Variants in DYNLT3 observed in about 807,000 individuals in gnomAD.
The protein encoded by DYNLT3 is protein 91/23.
DYNLT3 carries 4 observed loss-of-function variants against 11.0 expected under a neutral mutation model. That is an observed-to-expected ratio of 0.36 (90% confidence interval 0.18 to 0.83). DYNLT3 has a LOEUF of 0.83. DYNLT3 is among the 40% of genes least tolerant of loss of function. The pLI is 0.47. For synonymous variants in DYNLT3, 37 were observed against 31.2 expected (o/e 1.18, Z -0.61); for missense variants, 91 against 91.1 (o/e 1.00, Z 0.01).
Position 37,840,523 on chromosome X carries a change from A to T in DYNLT3, c.*52T>A. On this transcript the variant is annotated 3_prime_UTR_variant, in exon 5 of 5. Transcript: ENST00000378578. Reference sequence around the variant, plus strand: ...ACAACTATTACTCTTTTTGGAAAGGATACACTGACAAATTCTTAAGTTAAT... The same window carrying T: ...ACAACTATTACTCTTTTTGGAAAGGTTACACTGACAAATTCTTAAGTTAAT... 1 of 1,085,026 alleles carries T rather than the reference A, an allele frequency of 9.2e-7. No homozygotes were observed. The highest frequency in any genetic ancestry group is 2.6e-5 in the Admixed American group (1 of 39,160). The allele number at this position is 1,085,026 out of a possible 1,213,427, so 89.4% of individuals were successfully genotyped here. A position where few individuals can be genotyped will look rare whatever the true frequency, so the allele number is the denominator to read the frequency against.
chrX:37,844,734 T>C lies in DYNLT3; in HGVS notation c.72+1583A>G, dbSNP rs777121674. On this transcript the variant is annotated intron_variant, in intron 2 of 4. Transcript: ENST00000378578. The stretch of plus-strand genomic sequence containing the variant: ...GATAACCATTGTTCTAACATCTCAT[T>C]TGGGAGTCTCCCAAATGTGTTGAAC... 2.4e-3 allele frequency among the ~76,000 whole-genome samples: 272 copies of C among 111,395 alleles called. 1 individual carries two copies. Among genetic ancestry groups the C allele is most frequent in the African/African-American group, 8.4e-3 (257 of 30,633 alleles).
intron 4 of DYNLT3, 65 bp from the exon 5 acceptor site, chrX:37,840,716 A>G: frequency 1.5e-6 from 1 of 653,843 alleles, no homozygotes; most frequent in Non-Finnish European, 2.3e-6. Context: ...GAATATATAT[A>G]TATATATACA....
At chrX:37,843,584 C>T (rs73204931) in intron 2 of DYNLT3, among the ~76,000 whole-genome samples, 3 of 111,731 alleles carry the variant, frequency 2.7e-5, no homozygotes, top group South Asian at 7.5e-4. Flanking sequence ...TTGATATACT[C>T]GCTGGGTATC....
In DYNLT3 at chrX:37,838,853, A is replaced by G. The variant is rs1021107085; in HGVS notation, c.*1722T>C. 9.0e-6 allele frequency: 1 copy of G among 111,543 alleles called. No homozygotes were observed. Among genetic ancestry groups the G allele is most frequent in the African/African-American group, 3.3e-5 (1 of 30,699 alleles). 9.2% of individuals were successfully genotyped at this position (111,543 alleles called of 1,213,427 possible). A position where few individuals can be genotyped will look rare whatever the true frequency, so the allele number is the denominator to read the frequency against. On this transcript the variant is annotated 3_prime_UTR_variant, in exon 5 of 5. Transcript: ENST00000378578. ...AGCAAAAGTACAGCACAGGAAGATA[A>G]TATTTATTATATTTTAACTAGAAAC...
chrX:37,847,535 G>T lies in DYNLT3; in HGVS notation c.-25C>A, dbSNP rs1210082713. ...TGGTAGCGCCGGCTCTCCCTGGGGCGGAGCGACACGCCGGTAGAGCACCGC... is the reference window on the plus strand; with the variant it reads ...TGGTAGCGCCGGCTCTCCCTGGGGCTGAGCGACACGCCGGTAGAGCACCGC... On this transcript the variant is annotated 5_prime_UTR_variant, in exon 1 of 5. Transcript: ENST00000378578. The T allele has an allele frequency of 7.2e-6, 7 of 966,550 alleles. No homozygotes were observed. Among genetic ancestry groups the T allele is most frequent in the Non-Finnish European group, 9.1e-6 (7 of 768,191 alleles). 79.7% of individuals were successfully genotyped at this position (966,550 alleles called of 1,213,427 possible). A position where few individuals can be genotyped will look rare whatever the true frequency, so the allele number is the denominator to read the frequency against.
rs762360277 is a variant in DYNLT3, at chrX:37,847,358, C to T, written c.30+123G>A. 361 of 940,068 alleles carry T rather than the reference C, an allele frequency of 3.8e-4. 1 individual carries two copies. The African/African-American group carries it at 6.7e-3, about 18-fold the overall frequency. The allele number at this position is 940,068 out of a possible 1,213,427, so 77.5% of individuals were successfully genotyped here. On this transcript the variant is annotated intron_variant, in intron 1 of 4. Coordinates refer to ENST00000378578, the MANE Select transcript of DYNLT3 (RefSeq NM_006520.3). Reference sequence around the variant, plus strand: ...GATCCCGGGCCCAGGGGAGAGGACCCGGGCTCGGAGGACGCCGCACCCCAA... The same window carrying T: ...GATCCCGGGCCCAGGGGAGAGGACCTGGGCTCGGAGGACGCCGCACCCCAA...
intron 4 of DYNLT3, 96 bp from the exon 5 acceptor site, chrX:37,840,747 CATAT>C (rs1228011722): frequency 2.2e-4 from 92 of 426,526 alleles, no homozygotes; most frequent in Non-Finnish European, 2.9e-4. Flanking sequence ...CACACACACA[CATAT>C]ACACACACAC....
At chrX:37,846,647 G>A (rs1440440129) in intron 1 of DYNLT3, among the ~76,000 whole-genome samples, 2 of 111,376 alleles carry the variant, frequency 1.8e-5, no homozygotes, top group East Asian at 5.6e-4. Flanking sequence ...ATTGTAAAAC[G>A]TAGGAAATAA....
At chrX:37,847,458 C>T (rs765255340) in intron 1 of DYNLT3, 23 bp downstream of exon 1, 535 of 998,191 alleles carry the variant, frequency 5.4e-4, no homozygotes, top group Non-Finnish European at 6.5e-4. Context: ...GGGGGGCGCT[C>T]CCAGGTAGCC....
intron 3 of DYNLT3, 99 bp downstream of exon 3, chrX:37,841,683 C>G: frequency 1.1e-6 from 1 of 899,747 alleles, no homozygotes; most frequent in Non-Finnish European, 1.5e-6. Context: ...CTTTTAGTAT[C>G]CAACTTAAAT....
At chrX:37,843,215 G>T (rs187187798) in intron 2 of DYNLT3, among the ~76,000 whole-genome samples, 17 of 112,382 alleles carry the variant, frequency 1.5e-4, no homozygotes, top group Admixed American at 1.1e-3. Flanking sequence ...AAGGATCAGG[G>T]GAATAGAATT....
At chrX:37,846,965 G>A (rs1930277727) in intron 1 of DYNLT3, 2 of 1,147,917 alleles carry the variant, frequency 1.7e-6, no homozygotes, top group South Asian at 3.8e-5. Flanking sequence ...TTCTGGTGAG[G>A]GTTGGGAAAG....
rs1283027801 is a variant in DYNLT3, at chrX:37,839,586, C to G, written c.*989G>C. 1 of 112,309 alleles carries G rather than the reference C, an allele frequency of 8.9e-6. No individual in the cohort carries two copies. Among genetic ancestry groups the G allele is most frequent in the Non-Finnish European group, 1.9e-5 (1 of 53,166 alleles). 9.3% of individuals were successfully genotyped at this position (112,309 alleles called of 1,213,427 possible). ...TTGCATATTTTATATGCACTTTTAA[C>G]TTGCTAGGAGCAACTCTTAAAATTA... On this transcript the variant is annotated 3_prime_UTR_variant, in exon 5 of 5. Transcript: ENST00000378578.
Position 37,840,641 on chromosome X carries a change from G to C in DYNLT3, c.285C>G (p.Thr95=). 3.4e-6 allele frequency: 4 copies of C among 1,190,851 alleles called. No homozygotes were observed. Among genetic ancestry groups the C allele is most frequent in the Non-Finnish European group, 4.5e-6 (4 of 886,532 alleles). Reference sequence around the variant, plus strand: ...TCATGGTCCGGTTCTCCCATCTTACGGTACAGGTTCCTGAAACACAAAAAA... The same window carrying C: ...TCATGGTCCGGTTCTCCCATCTTACCGTACAGGTTCCTGAAACACAAAAAA... ...FWDTTSDGTC[T]VRWENRTMNC... is the part of the protein sequence containing the mutation. Residue 95 remains threonine (T), a synonymous_variant, in exon 5 of 5, where the codon ACC becomes ACG. Transcript: ENST00000378578.
At chrX:37,847,336 C>T (rs1337906698) in intron 1 of DYNLT3, 145 bp downstream of exon 1, 10 of 916,235 alleles carry the variant, frequency 1.1e-5, no homozygotes, top group East Asian at 7.8e-5. Context: ...CGGGGCGGAT[C>T]CCGGGCCCAG....
In DYNLT3 at chrX:37,839,953, T is replaced by TGGG. The variant is rs1215304682; in HGVS notation, c.*621_*622insCCC. On this transcript the variant is annotated 3_prime_UTR_variant, in exon 5 of 5. Transcript: ENST00000378578. The stretch of plus-strand genomic sequence containing the variant: ...AACTAGGAAATTCAGTTTACCAGAT[T>TGGG]TAATTTACCCTCAAGTGTAAATCCA... The TGGG allele has an allele frequency of 4.5e-5, 5 of 112,299 alleles. 1 individual carries two copies. Among genetic ancestry groups the TGGG allele is most frequent in the African/African-American group, 9.7e-5 (3 of 30,887 alleles). 9.3% of individuals were successfully genotyped at this position (112,299 alleles called of 1,213,427 possible).
intron 3 of DYNLT3, 142 bp from the exon 4 acceptor site, chrX:37,841,247 C>A (rs1324663316): frequency 2.4e-6 from 1 of 419,669 alleles, no homozygotes; most frequent in East Asian, 4.1e-5. Flanking sequence ...ACAAAGCGTT[C>A]AGCAAATAGA....
intron 2 of DYNLT3, among the ~76,000 whole-genome samples, chrX:37,844,619 C>T (rs1015407852): frequency 3.6e-5 from 4 of 112,300 alleles, no homozygotes; most frequent in East Asian, 2.8e-4. Context: ...TTTTCTTCAA[C>T]GCAGAGGATT....
At chrX:37,840,725 C>G (rs3138880) in intron 4 of DYNLT3, 74 bp from the exon 5 acceptor site, 2 of 302,882 alleles carry the variant, frequency 6.6e-6, no homozygotes, top group East Asian at 8.9e-5. Flanking sequence ...TATATATATA[C>G]ACACACACAC....
Sources: gnomAD v4.1 joint callset for allele counts (sites outside exome capture counted in the v4.1 genomes callset) on GRCh38, gnomAD v4.1.1 for gene constraint, MANE v1.5 for transcripts, NCBI Gene and HGNC (gene_info 2026-07-23, HGNC 2026-07-21) for gene names.